The following SLC15A1 variants were observed in gnomAD, a reference collection of about 807,000 sequenced individuals.
SLC15A1 encodes the protein Caco-2 oligopeptide transporter.
Under a neutral mutation model 92.9 loss-of-function variants are expected in SLC15A1, and 83 were observed. The ratio of observed to expected loss-of-function variants is 0.89; its 90% confidence interval spans 0.75 to 1.07. SLC15A1 has a LOEUF of 1.07. Ranked by LOEUF, SLC15A1 falls within the 50% of genes least tolerant of loss-of-function variation. The pLI, the probability that SLC15A1 is intolerant of heterozygous loss-of-function variation, is 0.00. For missense variants in SLC15A1, 857 were observed against 880.1 expected, an observed-to-expected ratio of 0.97 and a Z score of 0.33; for synonymous variants, 322 against 318.2, an observed-to-expected ratio of 1.01 and a Z score of -0.13.
intron 1 of SLC15A1, among the ~76,000 whole-genome samples, chr13:98,751,413 C>T (rs2088545822): frequency 6.6e-6 from 1 of 152,190 alleles, no homozygotes. Context: ...AAGGATGCTG[C>T]TCAGGTATTT....
Position 98,693,104 on chromosome 13 carries a change from T to G in SLC15A1, c.1467-4527A>C, listed in dbSNP as rs868284020. Reference sequence around the variant, plus strand: ...TTGTCTACGTTTTTTTTTTTTTTTTTTTTTTTTTTTGAGACGGAGTTTCAA... The same window carrying G: ...TTGTCTACGTTTTTTTTTTTTTTTTGTTTTTTTTTTGAGACGGAGTTTCAA... On this transcript the variant is annotated intron_variant, in intron 18 of 22. Transcript: ENST00000376503. 3.9e-3 allele frequency among the ~76,000 whole-genome samples: 541 copies of G among 139,802 alleles called. 4 individuals carry two copies. The highest frequency in any genetic ancestry group is 0.014 in the African/African-American group (485 of 35,540). 91.7% of individuals were successfully genotyped at this position (139,802 alleles called of 152,430 possible). A position where few individuals can be genotyped will look rare whatever the true frequency, so the allele number is the denominator to read the frequency against.
At chr13:98,717,592 G>A (rs190359557) in intron 8 of SLC15A1, among the ~76,000 whole-genome samples, 2 of 152,324 alleles carry the variant, frequency 1.3e-5, no homozygotes, top group Admixed American at 1.3e-4. Context: ...GAATTAGAGA[G>A]GAGGAGGTAT....
intron 11 of SLC15A1, among the ~76,000 whole-genome samples, chr13:98,710,643 C>G (rs1271117356): frequency 2.0e-5 from 3 of 151,676 alleles, no homozygotes; most frequent in Non-Finnish European, 4.4e-5. Context: ...CAGCAGAACC[C>G]CGTCTCTACT....
chr13:98,739,363 G>T (rs534210175), intron 1 of SLC15A1, among the ~76,000 whole-genome samples: 6 of 152,160 alleles, frequency 3.9e-5, no homozygotes, highest in African/African-American at 1.4e-4. Context: ...AGGCCAGGGG[G>T]AATGATACAG....
Position 98,687,735 on chromosome 13 carries a change from A to G in SLC15A1, c.1684-11T>C, listed in dbSNP as rs200273481. The G allele has an allele frequency of 3.0e-5, 49 of 1,610,962 alleles. No homozygotes were observed. The highest frequency in any genetic ancestry group is 4.1e-5 in the Non-Finnish European group (48 of 1,179,140). ...AGGGCAGCTGTCATTCTGCAGCAGTAAGGCAAAAGCAGAAGAAGTTGAGAT... is the reference window on the plus strand; with the variant it reads ...AGGGCAGCTGTCATTCTGCAGCAGTGAGGCAAAAGCAGAAGAAGTTGAGAT... On this transcript the variant is annotated splice_polypyrimidine_tract_variant and intron_variant, in intron 20 of 22. Coordinates refer to ENST00000376503, the MANE Select transcript of SLC15A1 (RefSeq NM_005073.4).
In SLC15A1 at chr13:98,709,931, G is replaced by C. The variant is rs751272756; in HGVS notation, c.901-20C>G. The C allele has an allele frequency of 2.5e-6, 4 of 1,613,460 alleles. No homozygotes were observed. In the South Asian group the frequency reaches 3.3e-5, roughly 13 times the overall value. On this transcript the variant is annotated intron_variant, in intron 11 of 22. Transcript: ENST00000376503. ...GGAGCCCTTAAAAATGAATACATTT[G>C]CTGTATTATTTGGGGATGTGGGTTT...
At chr13:98,724,175 T>C (rs2088281146) in intron 4 of SLC15A1, 144 bp from the exon 5 acceptor site, 2 of 1,100,812 alleles carry the variant, frequency 1.8e-6, no homozygotes, top group East Asian at 5.0e-5. Context: ...GTAACACTGT[T>C]AACTCTCAGG....
chr13:98,728,388 G>T (rs963242470), intron 1 of SLC15A1, among the ~76,000 whole-genome samples: 1 of 152,060 alleles, frequency 6.6e-6, no homozygotes, highest in Non-Finnish European at 1.5e-5. Flanking sequence ...GAAAGTTGTC[G>T]TTGGATCTTG....
Position 98,684,744 on chromosome 13 carries a change from TG to T in SLC15A1, c.2106del (p.Asn703IlefsTer28). On this transcript the variant is annotated frameshift_variant, in exon 23 of 23. Transcript: ENST00000376503. LOFTEE classifies it high-confidence loss of function. ...GACCTTCACATCTGTTTCTGTGAATTGGCCCCTGACATGAAATATGGGTTAC... is the reference window on the plus strand; with the variant it reads ...GACCTTCACATCTGTTTCTGTGAATTGCCCCTGACATGAAATATGGGTTAC... ...EKSNPYFMSG[A>X]NSQKQM is the part of the protein sequence containing the mutation. 3 of 1,614,068 alleles carry T rather than the reference TG, an allele frequency of 1.9e-6. No individual in the cohort carries two copies. The highest frequency in any genetic ancestry group is 2.5e-6 in the Non-Finnish European group (3 of 1,179,998).
chr13:98,689,251 C>T (rs114076733), intron 18 of SLC15A1, among the ~76,000 whole-genome samples: 1,709 of 152,166 alleles, frequency 0.011, 41 homozygotes, highest in African/African-American at 0.038. Flanking sequence ...GAAACTTTAG[C>T]GCTCAAGTAG....
Position 98,706,172 on chromosome 13 carries a change from G to C in SLC15A1, c.1231C>G (p.Leu411Val). 2 of 1,613,188 alleles carry C rather than the reference G, an allele frequency of 1.2e-6. No homozygotes were observed. Among genetic ancestry groups the C allele is most frequent in the Non-Finnish European group, 1.7e-6 (2 of 1,179,636 alleles). ...CCAAGTGTCACCATCTCTCCAGGAAGAGATATATTCATGGTATTGTTTCCT... is the reference window on the plus strand; with the variant it reads ...CCAAGTGTCACCATCTCTCCAGGAACAGATATATTCATGGTATTGTTTCCT... ...NIGNNTMNIS[L>V]PGEMVTLGPM... Residue 411 changes from leucine (L) to valine (V), a missense_variant, in exon 16 of 23, where the codon CTT (leucine) becomes GTT (valine). Physicochemically the swap from Leu to Val is conservative, Grantham distance 32. Coordinates refer to ENST00000376503, the MANE Select transcript of SLC15A1 (RefSeq NM_005073.4).
rs201941228 is a variant in SLC15A1 at position 98,687,768 on chromosome 13, A to G, written c.1684-44T>C. On this transcript the variant is annotated intron_variant, in intron 20 of 22. Transcript: ENST00000376503. ...AGCAGAAGAAGTTGAGATAGCTTCTAAAATAAAAACTGTTCGAACAGGTAA... is the reference window on the plus strand; with the variant it reads ...AGCAGAAGAAGTTGAGATAGCTTCTGAAATAAAAACTGTTCGAACAGGTAA... 33 of 1,602,480 alleles carry G rather than the reference A, an allele frequency of 2.1e-5. No individual in the cohort carries two copies. In the African/African-American group the frequency reaches 3.0e-4, roughly 14 times the overall value.
At chr13:98,736,998 T>C (rs1053516883) in intron 1 of SLC15A1, among the ~76,000 whole-genome samples, 9 of 152,342 alleles carry the variant, frequency 5.9e-5, no homozygotes, top group African/African-American at 2.2e-4. Context: ...ACTGGGTATA[T>C]ACCCAAAGGA....
At chr13:98,688,713 TAA>T (rs1367725848) in intron 18 of SLC15A1, 136 bp from the exon 19 acceptor site, 1 of 673,460 alleles carries the variant, frequency 1.5e-6, no homozygotes, top group African/African-American at 1.8e-5. Context: ...TTCTAGAGAA[TAA>T]AGACAAAAAG....
intron 16 of SLC15A1, among the ~76,000 whole-genome samples, chr13:98,704,922 G>C (rs2088099477): frequency 6.6e-6 from 1 of 152,064 alleles, no homozygotes; most frequent in Non-Finnish European, 1.5e-5. Flanking sequence ...GCTAGGGCTG[G>C]GCGCGGTGGT....
chr13:98,716,458 C>T (rs1337746476), intron 8 of SLC15A1, among the ~76,000 whole-genome samples: 1 of 152,022 alleles, frequency 6.6e-6, no homozygotes, highest in Non-Finnish European at 1.5e-5. Flanking sequence ...CCCGTCTCTA[C>T]TAAAAACACA....
rs570489342 is a variant in SLC15A1, at chr13:98,687,829, T to C, written c.1684-105A>G. 6.4e-4 allele frequency: 865 copies of C among 1,346,046 alleles called. 5 individuals carry two copies. The highest frequency in any genetic ancestry group is 2.4e-3 in the South Asian group (171 of 72,448). The allele number at this position is 1,346,046 out of a possible 1,614,324, so 83.4% of individuals were successfully genotyped here. On this transcript the variant is annotated intron_variant, in intron 20 of 22. Transcript: ENST00000376503. ...ACCTTCTAGGATTACATCATATGAT[T>C]TGTCAAGTACGTACACATTTTAAAC...
At chr13:98,752,569 G>T in intron 1 of SLC15A1, 26 bp downstream of exon 1, 1 of 1,262,612 alleles carries the variant, frequency 7.9e-7, no homozygotes, top group South Asian at 3.0e-5. Flanking sequence ...CTTTAGCCCG[G>T]CCGGCCCCCC....
At chr13:98,694,745 G>T (rs1346491221) in intron 18 of SLC15A1, among the ~76,000 whole-genome samples, 3 of 152,144 alleles carry the variant, frequency 2.0e-5, no homozygotes, top group Admixed American at 6.6e-5. Flanking sequence ...AAGATGCATT[G>T]GCTGGGCATG....
Sources: allele counts gnomAD v4.1 joint callset (sites outside exome capture counted in the v4.1 genomes callset), GRCh38; gene constraint gnomAD v4.1.1; transcripts MANE v1.5; gene names NCBI Gene and HGNC (gene_info 2026-07-23, HGNC 2026-07-21).